The following MAP3K11 variants were observed in gnomAD, a reference collection of about 807,000 sequenced individuals.
MAP3K11 encodes the protein mitogen-activated protein kinase kinase kinase 11, also known as SH3 domain-containing proline-rich kinase.
In MAP3K11, 46 loss-of-function variants were observed where a neutral mutation model predicts 84.9. The observed-to-expected ratio is 0.54, with a 90% CI of 0.43 to 0.69. The LOEUF (loss-of-function observed/expected upper bound fraction) is 0.69, where lower values mean the gene tolerates loss of function less well. Ranked by LOEUF, MAP3K11 falls within the 30% of genes least tolerant of loss-of-function variation. MAP3K11 has a pLI of 0.00. For synonymous variants in MAP3K11, 527 were observed against 514.7 expected (o/e 1.02, Z -0.32); for missense variants, 1,053 against 1,198.3 (o/e 0.88, Z 1.79).
Position 65,607,744 on chromosome 11 carries a change from G to T in MAP3K11, c.1142C>A (p.Ala381Glu), listed in dbSNP as rs780040675. ...CCGCGGCATTTCCCGTAGGACCTGT[G>T]CCTCCAGCGCCTCCAACTGCTGCAG... ...SILQQLEALE[A>E]QVLREMPRDS... Residue 381 changes from alanine to glutamate, a missense_variant, in exon 4 of 10, where the codon GCA becomes GAA. This residue lies in a region of MAP3K11 where 310 missense variants were observed against 464.5 expected (regional missense o/e 0.67). Transcript: ENST00000309100. 1 of 1,613,746 alleles carries T rather than the reference G, an allele frequency of 6.2e-7. No homozygotes were observed. The highest frequency in any genetic ancestry group is 1.1e-5 in the South Asian group (1 of 91,088).
chr11:65,608,119 AC>A, intron 2 of MAP3K11, 49 bp from the exon 3 acceptor site: 1 of 1,599,874 alleles, frequency 6.3e-7, no homozygotes, highest in Non-Finnish European at 8.6e-7. Context: ...CCCAACCCCC[AC>A]CCCCTTACTG....
Position 65,607,334 on chromosome 11 carries a change from G to A in MAP3K11, c.1425C>T (p.Arg475=), listed in dbSNP as rs570554901. ...GGAGCTTGCTGCGCTTGAATGTCCCGCGGCGGCGGCGCACGTGCGGTCGCT... is the reference window on the plus strand; with the variant it reads ...GGAGCTTGCTGCGCTTGAATGTCCCACGGCGGCGGCGCACGTGCGGTCGCT... ...DRERPHVRRR[R]GTFKRSKLRA... Residue 475 remains arginine (R), a synonymous_variant, in exon 5 of 10, where the codon CGC becomes CGT. Transcript: ENST00000309100. 10 of 1,507,358 alleles carry A rather than the reference G, an allele frequency of 6.6e-6. No individual in the cohort carries two copies. The highest frequency in any genetic ancestry group is 5.7e-5 in the African/African-American group (4 of 69,708). The allele number at this position is 1,507,358 out of a possible 1,614,324, so 93.4% of individuals were successfully genotyped here. A position where few individuals can be genotyped will look rare whatever the true frequency, so the allele number is the denominator to read the frequency against.
At chr11:65,608,497 G>C in intron 1 of MAP3K11, 49 bp from the exon 2 acceptor site, 1 of 1,582,614 alleles carries the variant, frequency 6.3e-7, no homozygotes, top group Non-Finnish European at 8.7e-7. Context: ...AGGTGGTGGG[G>C]ACAGGGTAAG....
chr11:65,602,749 G>A (rs1320441210), intron 8 of MAP3K11, among the ~76,000 whole-genome samples: 1 of 151,976 alleles, frequency 6.6e-6, no homozygotes, highest in African/African-American at 2.4e-5. Context: ...AGGCTGAAGT[G>A]AGCTGAGGTC....
At position 65,599,624 on chromosome 11, in the gene MAP3K11, C is replaced by T. The variant is rs752958965; in HGVS notation, c.1976G>A (p.Arg659His). 29 of 1,540,542 alleles carry T rather than the reference C, an allele frequency of 1.9e-5. 2 individuals are homozygous for T. In the South Asian group the frequency reaches 2.1e-4, roughly 11 times the overall value. ...TALLASLGLG[R>H]DLQPPGGPGR... ...TGGGCCTCCCGGCGGCTGCAGGTCG[C>T]GGCCAAGGCCCAGCGAGGCGAGCAG... The change falls in exon 9 of 10, where the codon CGC becomes CAC. Residue 659 changes from arginine to histidine, a missense_variant. Around this residue, in one of 3 missense-constraint regions of MAP3K11, gnomAD observed 583 missense variants for 566.6 expected, o/e 1.03. Transcript: ENST00000309100.
At chr11:65,601,050 T>C (rs1227053340) in intron 8 of MAP3K11, among the ~76,000 whole-genome samples, 1 of 152,188 alleles carries the variant, frequency 6.6e-6, no homozygotes, top group Non-Finnish European at 1.5e-5. Context: ...GCTTAAAAAC[T>C]ACCCATCACT....
At chr11:65,606,646 A>C in intron 6 of MAP3K11, 45 bp downstream of exon 6, 2 of 1,382,404 alleles carry the variant, frequency 1.4e-6, no homozygotes, top group Non-Finnish European at 2.0e-6. Flanking sequence ...ACAGAGAATA[A>C]GGAGCTGGGG....
chr11:65,608,138 A>T, intron 2 of MAP3K11, 68 bp from the exon 3 acceptor site: 1 of 1,599,268 alleles, frequency 6.3e-7, no homozygotes, highest in Non-Finnish European at 8.6e-7. Context: ...CTGCCACTTC[A>T]CCCAAAAGCA....
Position 65,600,036 on chromosome 11 carries a change from G to A in MAP3K11, c.1832-268C>T, listed in dbSNP as rs1034176597. On this transcript the variant is annotated intron_variant, in intron 8 of 9. Coordinates refer to ENST00000309100, the MANE Select transcript of MAP3K11 (RefSeq NM_002419.4). The stretch of plus-strand genomic sequence containing the variant: ...GACCCCAGACCCGAAAGATGGATGG[G>A]CAGTCCCAGTGGAGGCAGGCTGGGG... 6.4e-4 allele frequency among the ~76,000 whole-genome samples: 98 copies of A among 152,348 alleles called. 1 individual carries two copies. Among genetic ancestry groups the A allele is most frequent in the Admixed American group, 9.8e-4 (15 of 15,308 alleles).
chr11:65,606,111 A>G, intron 6 of MAP3K11, 30 bp from the exon 7 acceptor site: 2 of 1,549,490 alleles, frequency 1.3e-6, no homozygotes, highest in Admixed American at 2.2e-5. Context: ...AATCGGAGAT[A>G]ATCTTTATTC....
chr11:65,598,635 G>A lies in MAP3K11; in HGVS notation c.2207-7C>T. On this transcript the variant is annotated splice_region_variant and splice_polypyrimidine_tract_variant and intron_variant, in intron 9 of 9. Coordinates refer to ENST00000309100, the MANE Select transcript of MAP3K11 (RefSeq NM_002419.4). ...GGGGGTGAGACAGTGCCTCCTGTGA[G>A]GATATAGGAGGGGCACAGGGTCAAG... 6.8e-7 allele frequency: 1 copy of A among 1,480,986 alleles called. No homozygotes were observed. The highest frequency in any genetic ancestry group is 1.4e-5 in the South Asian group (1 of 73,538). The allele number at this position is 1,480,986 out of a possible 1,614,324, so 91.7% of individuals were successfully genotyped here.
intron 8 of MAP3K11, among the ~76,000 whole-genome samples, chr11:65,602,599 T>C (rs996131128): frequency 3.3e-5 from 5 of 151,426 alleles, no homozygotes; most frequent in African/African-American, 1.2e-4. Flanking sequence ...TGAGCCGAGA[T>C]TGCACCACTG....
At chr11:65,608,565 G>C in intron 1 of MAP3K11, 117 bp from the exon 2 acceptor site, 1 of 826,018 alleles carries the variant, frequency 1.2e-6, no homozygotes, top group East Asian at 2.5e-5. Context: ...GCACAGAGGT[G>C]ACTTGGTCTA....
chr11:65,605,686 A>T, intron 8 of MAP3K11, 75 bp downstream of exon 8: 1 of 1,062,028 alleles, frequency 9.4e-7, no homozygotes, highest in East Asian at 2.5e-5. Context: ...TTTGCCTACT[A>T]GCCTATTGTG....
intron 1 of MAP3K11, chr11:65,612,750 C>T: frequency 2.7e-6 from 1 of 365,500 alleles, no homozygotes; most frequent in Non-Finnish European, 4.9e-6. Context: ...GCTTATGGCC[C>T]ACCTGAGAGA....
rs776887296 is a variant in MAP3K11, at chr11:65,607,319, G to C, written c.1440C>G (p.Arg480=). The C allele has an allele frequency of 6.6e-7, 1 of 1,521,950 alleles. No individual in the cohort carries two copies. Among genetic ancestry groups the C allele is most frequent in the Admixed American group, 2.1e-5 (1 of 48,568 alleles). 94.3% of individuals were successfully genotyped at this position (1,521,950 alleles called of 1,614,324 possible). A position where few individuals can be genotyped will look rare whatever the true frequency, so the allele number is the denominator to read the frequency against. The change falls in exon 5 of 10, where the codon CGC becomes CGG. Residue 480 remains arginine, a synonymous_variant. Transcript: ENST00000309100. ...HVRRRRGTFK[R]SKLRARDGGE... ...CGCCGTCGCGCGCCCGGAGCTTGCT[G>C]CGCTTGAATGTCCCGCGGCGGCGGC... is the stretch of plus-strand genomic sequence containing the variant.
intron 6 of MAP3K11, 191 bp downstream of exon 6, chr11:65,606,500 T>C (rs1854509554): frequency 8.7e-6 from 4 of 460,686 alleles, no homozygotes; most frequent in East Asian, 7.1e-5. Flanking sequence ...ATACAATTAT[T>C]TGACTAAAAA....
At chr11:65,612,972 G>A (rs761019211) in intron 1 of MAP3K11, 46 bp downstream of exon 1, 11 of 1,507,090 alleles carry the variant, frequency 7.3e-6, no homozygotes, top group Admixed American at 2.3e-5. Flanking sequence ...GGGAGCAGGT[G>A]TGTACCAGAG....
chr11:65,604,237 G>A (rs1462757496), intron 8 of MAP3K11, among the ~76,000 whole-genome samples: 1 of 152,262 alleles, frequency 6.6e-6, no homozygotes, highest in Non-Finnish European at 1.5e-5. Flanking sequence ...GAACGATGGG[G>A]CCCAGGCCCC....
Sources: gnomAD v4.1 joint callset for allele counts (sites outside exome capture counted in the v4.1 genomes callset) on GRCh38, gnomAD v4.1.1 for gene constraint, gnomAD v4.1.1 regional missense constraint, MANE v1.5 for transcripts, NCBI Gene and HGNC (gene_info 2026-07-23, HGNC 2026-07-21) for gene names.